PAK3: variants seen among roughly 807,000 people sequenced by gnomAD.
PAK3 encodes serine/threonine-protein kinase PAK 3.
Under a neutral mutation model 41.0 loss-of-function variants are expected in PAK3, and 4 were observed. That is an observed-to-expected ratio of 0.10 (90% CI 0.05 to 0.22). The LOEUF is 0.22. Among genes scored for constraint, PAK3 ranks in the 10% least tolerant of loss-of-function variants. PAK3 has a pLI of 1.00. For missense variants in PAK3, 205 were observed against 409.9 expected (o/e 0.50, Z 4.32); for synonymous variants, 146 against 139.6 (o/e 1.05, Z -0.32).
chrX:111,080,151 A>T (rs904284989), intron 1 of PAK3, among the ~76,000 whole-genome samples: 2 of 112,427 alleles, frequency 1.8e-5, no homozygotes, highest in African/African-American at 6.5e-5. Flanking sequence ...GTTGGAGATC[A>T]TTGACTTCAA....
chrX:111,189,652 G>T (rs1395042415), intron 11 of PAK3, among the ~76,000 whole-genome samples: 1 of 111,654 alleles, frequency 9.0e-6, no homozygotes, highest in Non-Finnish European at 1.9e-5. Context: ...TTGTGGTTTT[G>T]ATTTGCATTT....
rs1473983489 is a variant in PAK3, at chrX:111,118,252, A to C, written c.-27-4825A>C. 2.7e-5 allele frequency among the ~76,000 whole-genome samples: 3 copies of C among 111,571 alleles called. No homozygotes were observed. The East Asian group carries it at 8.4e-4, about 31-fold the overall frequency. On this transcript the variant is annotated intron_variant, in intron 4 of 17. Transcript: ENST00000372007. ...TAAGTGAGGTGGTTGGTTCTTTTGTAAATAACGCATCTAAGATAAAGTGGA... is the reference window on the plus strand; with the variant it reads ...TAAGTGAGGTGGTTGGTTCTTTTGTCAATAACGCATCTAAGATAAAGTGGA...
At chrX:110,956,782 A>T (rs1382459491) in intron 1 of PAK3, among the ~76,000 whole-genome samples, 1 of 111,861 alleles carries the variant, frequency 8.9e-6, no homozygotes, top group Non-Finnish European at 1.9e-5. Context: ...ACAACTGGTC[A>T]GAGAGCACTT....
chrX:111,192,205 A>G, intron 12 of PAK3, 30 bp downstream of exon 12: 3 of 904,614 alleles, frequency 3.3e-6, no homozygotes, highest in Non-Finnish European at 3.2e-6. Context: ...CCTGATTTTT[A>G]TTTTCTTTTA....
intron 1 of PAK3, among the ~76,000 whole-genome samples, chrX:111,066,900 C>T (rs1008986071): frequency 9.0e-6 from 1 of 111,500 alleles, no homozygotes; most frequent in African/African-American, 3.3e-5. Flanking sequence ...GAGTCTCATA[C>T]GTAATATTTT....
chrX:110,981,983 T>C (rs780640250), intron 1 of PAK3, among the ~76,000 whole-genome samples: 1 of 110,369 alleles, frequency 9.1e-6, no homozygotes, highest in African/African-American at 3.3e-5. Flanking sequence ...GCCTAGAAAT[T>C]GGGATAATGC....
intron 4 of PAK3, among the ~76,000 whole-genome samples, chrX:111,114,542 T>A (rs767713732): frequency 7.1e-5 from 8 of 111,954 alleles, no homozygotes; most frequent in Non-Finnish European, 1.5e-4. Flanking sequence ...TAAAAAGGAA[T>A]GTTGGGCTGA....
At chrX:111,071,049 A>G (rs141241458) in intron 1 of PAK3, among the ~76,000 whole-genome samples, 1,866 of 112,207 alleles carry the variant, frequency 0.017, 9 homozygotes, top group Middle Eastern at 0.032. Flanking sequence ...TTCACATGCA[A>G]CCTGTCATTT....
chrX:111,056,850 G>T (rs766555855), intron 1 of PAK3, among the ~76,000 whole-genome samples: 2 of 111,631 alleles, frequency 1.8e-5, no homozygotes, highest in East Asian at 5.6e-4. Flanking sequence ...TTGAACTGGA[G>T]TTTTTCTAGA....
At chrX:111,120,399 C>G (rs192200574) in intron 4 of PAK3, among the ~76,000 whole-genome samples, 1,698 of 111,702 alleles carry the variant, frequency 0.015, 25 homozygotes, top group African/African-American at 0.052. Context: ...TGAAAGGAAG[C>G]AGGGCATCTA....
At chrX:110,975,470 A>C (rs2091308809) in intron 1 of PAK3, among the ~76,000 whole-genome samples, 1 of 112,148 alleles carries the variant, frequency 8.9e-6, no homozygotes, top group African/African-American at 3.2e-5. Flanking sequence ...GGACACAAAC[A>C]AATGGAAGAA....
intron 11 of PAK3, among the ~76,000 whole-genome samples, chrX:111,173,428 C>G (rs2094369607): frequency 9.0e-6 from 1 of 111,068 alleles, no homozygotes; most frequent in Non-Finnish European, 1.9e-5. Flanking sequence ...TATCGCAGTT[C>G]CCCCTACAGC....
upstream of PAK3, among the ~76,000 whole-genome samples, chrX:111,094,063 C>A (rs1224071796): frequency 2.7e-5 from 3 of 109,219 alleles, no homozygotes; most frequent in East Asian, 2.8e-4. Context: ...TAGAAAAAAA[C>A]CAGTGGGATG....
rs1161858069 is a variant in PAK3 at position 111,222,635 on chromosome X, A to G, written c.*2188A>G. ...TTCACTCATAGTGCCGGGAAATTCA[A>G]TGAAATCCTGGGATGCAAATAAAAA... On this transcript the variant is annotated 3_prime_UTR_variant, in exon 18 of 18. Coordinates refer to ENST00000372007, the MANE Select transcript of PAK3 (RefSeq NM_002578.5). The G allele has an allele frequency of 1.8e-5, 2 of 112,162 alleles. No homozygotes were observed. The highest frequency in any genetic ancestry group is 5.6e-4 in the East Asian group (2 of 3,584). The allele number at this position is 112,162 out of a possible 1,213,427, so 9.2% of individuals were successfully genotyped here. A position where few individuals can be genotyped will look rare whatever the true frequency, so the allele number is the denominator to read the frequency against.
chrX:111,126,485 G>A (rs1391711987), intron 5 of PAK3, among the ~76,000 whole-genome samples: 1 of 110,767 alleles, frequency 9.0e-6, no homozygotes. Flanking sequence ...ACCACAGTCA[G>A]TCTTGAACTA....
chrX:111,111,284 C>G (rs1168923016), intron 4 of PAK3, among the ~76,000 whole-genome samples: 1 of 111,961 alleles, frequency 8.9e-6, no homozygotes, highest in Non-Finnish European at 1.9e-5. Context: ...ATGTTTCCTT[C>G]AATTATTTTA....
chrX:111,085,025 T>C (rs1302821382), intron 1 of PAK3, among the ~76,000 whole-genome samples: 1 of 111,929 alleles, frequency 8.9e-6, no homozygotes, highest in African/African-American at 3.3e-5. Flanking sequence ...AGAATCTCCT[T>C]AGATGAAAAT....
intron 10 of PAK3, among the ~76,000 whole-genome samples, chrX:111,166,201 T>C (rs2094252992): frequency 8.9e-6 from 1 of 111,767 alleles, no homozygotes; most frequent in Non-Finnish European, 1.9e-5. Context: ...ACCCTCTCTG[T>C]GCCTTCTCTC....
chrX:111,043,910 G>A (rs1022748483), intron 1 of PAK3, among the ~76,000 whole-genome samples: 5 of 111,772 alleles, frequency 4.5e-5, no homozygotes, highest in Non-Finnish European at 7.5e-5. Flanking sequence ...TTCTGGCATG[G>A]AAAAATGCCC....
Sources: allele counts gnomAD v4.1 joint callset (sites outside exome capture counted in the v4.1 genomes callset), GRCh38; gene constraint gnomAD v4.1.1; transcripts MANE v1.5; gene names NCBI Gene and HGNC (gene_info 2026-07-23, HGNC 2026-07-21).